The following PCTP variants were observed in gnomAD, a reference collection of about 807,000 sequenced individuals.
PCTP encodes the protein START domain-containing protein 2.
A neutral mutation model predicts 31.0 loss-of-function variants in PCTP; 27 were observed. That is an observed-to-expected ratio of 0.87 (90% CI 0.64 to 1.20). PCTP has a LOEUF of 1.20. Ranked by LOEUF, PCTP falls within the 50% of genes most tolerant of loss-of-function variation. The pLI, the probability that PCTP is intolerant of heterozygous loss-of-function variation, is 0.00. For synonymous variants in PCTP, 108 were observed against 101.2 expected, an observed-to-expected ratio of 1.07 and a Z score of -0.40; for missense variants, 287 against 268.2, an observed-to-expected ratio of 1.07 and a Z score of -0.49.
chr17:55,796,550 A>G lies in PCTP; in HGVS notation c.317+8896A>G, dbSNP rs567183315. On this transcript the variant is annotated intron_variant, in intron 3 of 3. Coordinates refer to the PCTP transcript ENST00000572536. ...GAAAGCAGGGAAAGCGTCAGCAGAC[A>G]TAGCTAAGCATTTGCCATCCCTGGA... Among the ~76,000 whole-genome samples, 19 of 152,150 alleles carry G rather than the reference A, an allele frequency of 1.2e-4. No individual in the cohort carries two copies. In the South Asian group the frequency reaches 3.9e-3, roughly 32 times the overall value.
chr17:55,804,085 A>G (rs1001045354), intron 3 of PCTP, among the ~76,000 whole-genome samples: 1 of 152,252 alleles, frequency 6.6e-6, no homozygotes, highest in Admixed American at 6.5e-5. Flanking sequence ...GAAGACATTT[A>G]TGCAGCCAAC....
At chr17:55,824,354 GGAAACAGGTACAGCCCCAAA>G (rs1370267993), downstream of PCTP, among the ~76,000 whole-genome samples, 1 of 152,020 alleles carries the variant, frequency 6.6e-6, no homozygotes, top group Non-Finnish European at 1.5e-5. Context: ...AAATGAAGAT[GGAAACAGGTACAGCCCCAAA>G]GACAGTAGGC....
downstream of PCTP, among the ~76,000 whole-genome samples, chr17:55,844,221 T>C (rs1906073601): frequency 6.6e-6 from 1 of 152,166 alleles, no homozygotes; most frequent in East Asian, 1.9e-4. Flanking sequence ...AGCTAACAAC[T>C]CTATCTGTGC....
At chr17:55,784,815 T>C (rs1459902204) in intron 2 of PCTP, among the ~76,000 whole-genome samples, 1 of 152,228 alleles carries the variant, frequency 6.6e-6, no homozygotes, top group Non-Finnish European at 1.5e-5. Flanking sequence ...CCTAAAAAAT[T>C]CCATATTACT....
rs1910720919 is a variant in PCTP at position 55,767,351 on chromosome 17, A to C, written c.158A>C (p.Glu53Ala). Reference sequence around the variant, plus strand: ...TTTTTATAGAAGACTGGACTTTATGAGTATAAAGTCTTTGGTGTTCTGGAG... The same window carrying C: ...TTTTTATAGAAGACTGGACTTTATGCGTATAAAGTCTTTGGTGTTCTGGAG... Reference protein sequence around the residue: ...RLLDKKTGLYEYKVFGVLEDC... With the variant: ...RLLDKKTGLYAYKVFGVLEDC... The change falls in exon 2 of 6, where the codon GAG becomes GCG. Residue 53 changes from glutamate (E) to alanine (A), a missense_variant. Transcript: ENST00000268896. 1 of 1,603,154 alleles carries C rather than the reference A, an allele frequency of 6.2e-7. No homozygotes were observed. Among genetic ancestry groups the C allele is most frequent in the Non-Finnish European group, 8.5e-7 (1 of 1,170,468 alleles).
At chr17:55,799,959 C>T (rs36112530) in intron 3 of PCTP, among the ~76,000 whole-genome samples, 21,228 of 152,130 alleles carry the variant, frequency 0.14, 1,545 homozygotes, top group Middle Eastern at 0.19. Flanking sequence ...GTCTGATGGG[C>T]TTCCCTTTGT....
chr17:55,757,534 TATATATGA>T, intron 1 of PCTP, among the ~76,000 whole-genome samples: 1 of 112,936 alleles, frequency 8.9e-6, no homozygotes, highest in Non-Finnish European at 2.0e-5. Context: ...ACACATATAG[TATATATGA>T]ATATATACAC....
chr17:55,834,783 C>A (rs926013855), intron 5 of PCTP, among the ~76,000 whole-genome samples: 3 of 151,756 alleles, frequency 2.0e-5, no homozygotes, highest in African/African-American at 7.3e-5. Flanking sequence ...AGGAGGGGGG[C>A]AGAGGGATGC....
downstream of PCTP, among the ~76,000 whole-genome samples, chr17:55,846,108 A>G (rs956895039): frequency 2.0e-5 from 3 of 151,982 alleles, no homozygotes; most frequent in Non-Finnish European, 4.4e-5. Context: ...AGAGTTCTAG[A>G]TATATAAGAA....
intron 5 of PCTP, 105 bp downstream of exon 5, chr17:55,774,964 G>A: frequency 8.3e-7 from 1 of 1,210,836 alleles, no homozygotes; most frequent in Non-Finnish European, 1.2e-6. Flanking sequence ...ATTGTCTCAG[G>A]CGTAATGAGG....
chr17:55,811,292 A>G (rs899513263), intron 3 of PCTP, among the ~76,000 whole-genome samples: 1 of 152,248 alleles, frequency 6.6e-6, no homozygotes, highest in Admixed American at 6.5e-5. Context: ...TAGCAAATCA[A>G]TTATTATCAT....
At chr17:55,751,355 G>C (rs751998250) in intron 1 of PCTP, 111 bp downstream of exon 1, 2 of 1,525,518 alleles carry the variant, frequency 1.3e-6, no homozygotes, top group Non-Finnish European at 1.8e-6. Context: ...CGTCTTCTCC[G>C]GCTCAGGAAG....
intron 1 of PCTP, among the ~76,000 whole-genome samples, chr17:55,753,324 A>G (rs1909812291): frequency 6.6e-6 from 1 of 152,214 alleles, no homozygotes; most frequent in Non-Finnish European, 1.5e-5. Context: ...CAGTGATCTT[A>G]TCACTACCTT....
chr17:55,751,093 A>C lies in PCTP; in HGVS notation c.-11A>C. 6.5e-7 allele frequency: 1 copy of C among 1,528,440 alleles called. No homozygotes were observed. The highest frequency in any genetic ancestry group is 1.2e-5 in the South Asian group (1 of 82,018). 94.7% of individuals were successfully genotyped at this position (1,528,440 alleles called of 1,614,324 possible). ...CTGCCCTCCAGGCGGAGGAGCCCGG[A>C]CTGCGGAAGGATGGAGCTGGCCGCC... On this transcript the variant is annotated 5_prime_UTR_variant, in exon 1 of 6. Transcript: ENST00000268896.
intron 1 of PCTP, among the ~76,000 whole-genome samples, chr17:55,766,732 GTGTCT>G (rs1910684281): frequency 6.6e-6 from 1 of 152,126 alleles, no homozygotes; most frequent in African/African-American, 2.4e-5. Context: ...ATGTGTGCAT[GTGTCT>G]TTATAGCAGC....
chr17:55,762,844 G>A (rs891363152), intron 1 of PCTP, among the ~76,000 whole-genome samples: 9 of 119,428 alleles, frequency 7.5e-5, no homozygotes, highest in African/African-American at 2.4e-4. Flanking sequence ...ACATTGCCAC[G>A]GGGTTCTCTT....
At chr17:55,767,477 T>G in intron 2 of PCTP, 25 bp downstream of exon 2, 1 of 1,490,954 alleles carries the variant, frequency 6.7e-7, no homozygotes, top group Non-Finnish European at 9.3e-7. Flanking sequence ...CTTTTCTTTT[T>G]TTTTTAGACG....
chr17:55,848,423 G>A, the PCTP span, among the ~76,000 whole-genome samples: 1 of 152,202 alleles, frequency 6.6e-6, no homozygotes, highest in Non-Finnish European at 1.5e-5. Flanking sequence ...TTGTATACAG[G>A]CAGAGGGAGA....
intron 3 of PCTP, among the ~76,000 whole-genome samples, chr17:55,809,851 T>G (rs1912693043): frequency 6.6e-6 from 1 of 152,200 alleles, no homozygotes; most frequent in Admixed American, 6.5e-5. Flanking sequence ...TTGTTGTTAC[T>G]GTTTTTGCAT....
Sources: allele counts gnomAD v4.1 joint callset (sites outside exome capture counted in the v4.1 genomes callset), GRCh38; gene constraint gnomAD v4.1.1; transcripts MANE v1.5; gene names NCBI Gene and HGNC (gene_info 2026-07-23, HGNC 2026-07-21).